The following GRM1 variants were observed in gnomAD, a reference collection of about 807,000 sequenced individuals.
GRM1 encodes metabotropic glutamate receptor 1.
In GRM1, 33 loss-of-function variants were observed where a neutral mutation model predicts 90.9. The ratio of observed to expected loss-of-function variants is 0.36; its 90% confidence interval spans 0.28 to 0.49. The LOEUF (loss-of-function observed/expected upper bound fraction) is 0.49. Among genes scored for constraint, GRM1 ranks in the 20% least tolerant of loss-of-function variants. GRM1 has a pLI of 0.99. For synonymous variants in GRM1, 700 were observed against 613.2 expected (o/e 1.14, Z -2.09); for missense variants, 1,190 against 1,534.3 (o/e 0.78, Z 3.75).
At chr6:146,049,918 C>T (rs1211226517) in intron 1 of GRM1, among the ~76,000 whole-genome samples, 1 of 151,872 alleles carries the variant, frequency 6.6e-6, no homozygotes, top group Non-Finnish European at 1.5e-5. Context: ...TCATCTAAGT[C>T]ATACAGGTAA....
chr6:146,421,799 C>T (rs1362669845), intron 7 of GRM1, among the ~76,000 whole-genome samples: 1 of 152,000 alleles, frequency 6.6e-6, no homozygotes, highest in East Asian at 1.9e-4. Flanking sequence ...AATATACATG[C>T]ATGCGTTAAA....
intron 3 of GRM1, among the ~76,000 whole-genome samples, chr6:146,347,099 A>G (rs1454288414): frequency 6.6e-6 from 1 of 152,244 alleles, no homozygotes; most frequent in Non-Finnish European, 1.5e-5. Flanking sequence ...AATGTACTTT[A>G]TTGGAGCTAA....
intron 2 of GRM1, among the ~76,000 whole-genome samples, chr6:146,250,323 C>G (rs1180224650): frequency 6.6e-6 from 1 of 152,142 alleles, no homozygotes; most frequent in African/African-American, 2.4e-5. Flanking sequence ...TCTCAAATTG[C>G]AATCACCATA....
At chr6:146,176,630 A>G (rs1188584210) in intron 2 of GRM1, among the ~76,000 whole-genome samples, 3 of 152,120 alleles carry the variant, frequency 2.0e-5, no homozygotes, top group Non-Finnish European at 4.4e-5. Context: ...AAAGGAAAAA[A>G]GAAGTCTGTA....
At chr6:146,345,307 G>T (rs1785141475) in intron 3 of GRM1, among the ~76,000 whole-genome samples, 1 of 152,150 alleles carries the variant, frequency 6.6e-6, no homozygotes, top group Non-Finnish European at 1.5e-5. Flanking sequence ...CTTTTTAAGT[G>T]CAACATCTTG....
intron 2 of GRM1, among the ~76,000 whole-genome samples, chr6:146,193,200 A>T (rs532942049): frequency 2.0e-4 from 31 of 152,292 alleles, no homozygotes; most frequent in African/African-American, 7.5e-4. Context: ...ATAGACAGTT[A>T]GATATACAAG....
At chr6:146,300,645 G>T (rs1280750131) in intron 2 of GRM1, among the ~76,000 whole-genome samples, 1 of 152,198 alleles carries the variant, frequency 6.6e-6, no homozygotes, top group Admixed American at 6.5e-5. Flanking sequence ...ACTCATAACT[G>T]AGAAGCAGAT....
chr6:146,266,487 A>G (rs1781891712), intron 2 of GRM1, among the ~76,000 whole-genome samples: 1 of 152,116 alleles, frequency 6.6e-6, no homozygotes, highest in Admixed American at 6.5e-5. Context: ...TTAATCATCC[A>G]ACAAGAATGA....
chr6:146,386,763 G>A, intron 5 of GRM1, 127 bp from the exon 6 acceptor site: 1 of 711,616 alleles, frequency 1.4e-6, no homozygotes. Flanking sequence ...AGATTCCTCA[G>A]CATATAAGAT....
intron 2 of GRM1, among the ~76,000 whole-genome samples, chr6:146,285,474 C>CCA (rs1782727495): frequency 6.6e-6 from 1 of 152,124 alleles, no homozygotes; most frequent in South Asian, 2.1e-4. Context: ...GGTTTTGCTT[C>CCA]CACACACTTT....
At chr6:146,074,887 CAT>C (rs1159203202) in intron 1 of GRM1, among the ~76,000 whole-genome samples, 9 of 152,150 alleles carry the variant, frequency 5.9e-5, no homozygotes, top group Admixed American at 2.6e-4. Context: ...GTGCAAATTA[CAT>C]ATAATCAAGG....
Position 146,029,525 on chromosome 6 carries a change from G to T in GRM1, c.8G>T (p.Gly3Val), listed in dbSNP as rs1347765372. The change falls in exon 1 of 8, where the codon GGG becomes GTG. Residue 3 changes from glycine (G) to valine (V), a missense_variant. Transcript: ENST00000282753. MV[G>V]LLLFFFPAIF... ...GACCTCGTCCTCACCACCATGGTCG[G>T]GCTCCTTTTGTTTTTTTTCCCAGCG... The T allele has an allele frequency of 6.2e-7, 1 of 1,613,770 alleles. No homozygotes were observed. Among genetic ancestry groups the T allele is most frequent in the Middle Eastern group, 1.7e-4 (1 of 6,054 alleles).
intron 6 of GRM1, among the ~76,000 whole-genome samples, chr6:146,393,862 A>G (rs1382103359): frequency 6.6e-6 from 1 of 152,176 alleles, no homozygotes; most frequent in Non-Finnish European, 1.5e-5. Flanking sequence ...CTGACTTCAA[A>G]CTATACTACA....
chr6:146,052,727 T>C (rs971296299), intron 1 of GRM1, among the ~76,000 whole-genome samples: 9 of 152,074 alleles, frequency 5.9e-5, no homozygotes, highest in African/African-American at 2.2e-4. Flanking sequence ...AATTCAAATA[T>C]CATTTCCTCA....
chr6:146,151,172 A>G (rs1466981737), intron 1 of GRM1, among the ~76,000 whole-genome samples: 1 of 152,214 alleles, frequency 6.6e-6, no homozygotes, highest in African/African-American at 2.4e-5. Flanking sequence ...GGAGAATGAG[A>G]GAGACTACAT....
At chr6:146,273,579 T>C (rs1313848603) in intron 2 of GRM1, among the ~76,000 whole-genome samples, 1 of 152,238 alleles carries the variant, frequency 6.6e-6, no homozygotes, top group Non-Finnish European at 1.5e-5. Flanking sequence ...ATTCTCACTC[T>C]TACAAGTTCT....
At chr6:146,031,775 A>G (rs1014960943) in intron 1 of GRM1, among the ~76,000 whole-genome samples, 5 of 152,178 alleles carry the variant, frequency 3.3e-5, no homozygotes, top group Admixed American at 3.3e-4. Context: ...TGCTTGCTTA[A>G]ATGAAACATC....
chr6:146,146,103 C>CTTTTTTTTTTTTTTTTTTTTTTTTTTTT lies in GRM1; in HGVS notation c.701-13236_701-13209dup, dbSNP rs35329703. On this transcript the variant is annotated intron_variant, in intron 1 of 7. Coordinates refer to ENST00000282753, the MANE Select transcript of GRM1 (RefSeq NM_001278064.2). ...CTGTGCCTATGTACTACCATTGTAT[C>CTTTTTTTTTTTTTTTTTTTTTTTTTTTT]TTTTTTTTTTTTTTTTTTTTTTTTT... Among the ~76,000 whole-genome samples the CTTTTTTTTTTTTTTTTTTTTTTTTTTTT allele has an allele frequency of 2.3e-3, 45 of 19,988 alleles. 20 individuals carry two copies. Among genetic ancestry groups the CTTTTTTTTTTTTTTTTTTTTTTTTTTTT allele is most frequent in the Admixed American group, 3.2e-3 (4 of 1,240 alleles). 13.1% of individuals were successfully genotyped at this position (19,988 alleles called of 152,430 possible). A position where few individuals can be genotyped will look rare whatever the true frequency, so the allele number is the denominator to read the frequency against.
At chr6:146,179,172 C>T (rs979434451) in intron 2 of GRM1, among the ~76,000 whole-genome samples, 5 of 152,318 alleles carry the variant, frequency 3.3e-5, no homozygotes, top group African/African-American at 7.2e-5. Flanking sequence ...AACACTCTCA[C>T]GTGCACATGT....
Sources: gnomAD v4.1 joint callset for allele counts (sites outside exome capture counted in the v4.1 genomes callset) on GRCh38, gnomAD v4.1.1 for gene constraint, MANE v1.5 for transcripts, NCBI Gene and HGNC (gene_info 2026-07-23, HGNC 2026-07-21) for gene names.